Variants in SIL1 observed in about 807,000 individuals in gnomAD.
SIL1 encodes nucleotide exchange factor SIL1.
SIL1 carries 40 observed loss-of-function variants against 49.1 expected under a neutral mutation model. The observed-to-expected ratio is 0.81, with a 90% CI of 0.63 to 1.06. SIL1 has a LOEUF of 1.06. Ranked by LOEUF, SIL1 falls within the 50% of genes least tolerant of loss-of-function variation. The pLI is 0.00. For synonymous variants in SIL1, 253 were observed against 250.8 expected (o/e 1.01, Z -0.08); for missense variants, 500 against 572.6 (o/e 0.87, Z 1.29).
rs1238864205 is a variant in SIL1, at chr5:138,951,682, T to C, written c.864+106A>G. ...TCCCCCTGTGCCACCCAGCAGATGA[T>C]GCTCAGGCCCCCATGGTAACATGCA... On this transcript the variant is annotated intron_variant, in intron 8 of 9. Coordinates refer to ENST00000394817, the MANE Select transcript of SIL1 (RefSeq NM_022464.5). 6.5e-6 allele frequency: 7 copies of C among 1,084,328 alleles called. No individual in the cohort carries two copies. In the Admixed American group the frequency reaches 6.8e-5, roughly 11 times the overall value. 67.2% of individuals were successfully genotyped at this position (1,084,328 alleles called of 1,614,324 possible).
At chr5:139,031,603 T>A (rs1024219408) in intron 5 of SIL1, among the ~76,000 whole-genome samples, 1 of 152,208 alleles carries the variant, frequency 6.6e-6, no homozygotes, top group Admixed American at 6.5e-5. Context: ...TTCCTTCAAC[T>A]TTCCATACAA....
chr5:139,096,958 C>A (rs777522385), intron 3 of SIL1, among the ~76,000 whole-genome samples: 2 of 152,040 alleles, frequency 1.3e-5, no homozygotes, highest in Admixed American at 6.5e-5. Context: ...AGGGAGCCCA[C>A]TGCGCTGAAG....
intron 7 of SIL1, among the ~76,000 whole-genome samples, chr5:139,010,997 C>G (rs1336110283): frequency 2.0e-5 from 3 of 148,124 alleles, no homozygotes; most frequent in East Asian, 2.0e-4. Context: ...CCACCCAGTT[C>G]GAGCTTCCCG....
At chr5:139,065,603 C>A (rs1769687140) in intron 3 of SIL1, among the ~76,000 whole-genome samples, 1 of 152,240 alleles carries the variant, frequency 6.6e-6, no homozygotes. Flanking sequence ...TAGGCCAATG[C>A]ACACAAGGTT....
chr5:139,029,362 A>G (rs1440690896), intron 5 of SIL1, among the ~76,000 whole-genome samples: 1 of 152,194 alleles, frequency 6.6e-6, no homozygotes, highest in East Asian at 1.9e-4. Flanking sequence ...GGATGAAATG[A>G]CACTGGCAAA....
intron 1 of SIL1, among the ~76,000 whole-genome samples, chr5:139,192,997 CAAAAAA>C (rs60150903): frequency 1.3e-5 from 1 of 79,026 alleles, no homozygotes; most frequent in African/African-American, 7.2e-5. Flanking sequence ...AACTCAGTCT[CAAAAAA>C]AAAAAAAAAA....
At chr5:138,983,029 T>G (rs1767561786) in intron 7 of SIL1, among the ~76,000 whole-genome samples, 1 of 151,576 alleles carries the variant, frequency 6.6e-6, no homozygotes, top group African/African-American at 2.4e-5. Flanking sequence ...AAACACCATC[T>G]CTGCTAAAAA....
intron 9 of SIL1, among the ~76,000 whole-genome samples, chr5:138,950,698 GGCAAGCAATTGGGT>G (rs1766750278): frequency 6.6e-6 from 1 of 152,212 alleles, no homozygotes; most frequent in Non-Finnish European, 1.5e-5. Flanking sequence ...CCTCCCAAGT[GGCAAGCAATTGGGT>G]CCCTGAGACT....
At chr5:139,179,034 T>C (rs536478869) in intron 1 of SIL1, among the ~76,000 whole-genome samples, 1 of 152,324 alleles carries the variant, frequency 6.6e-6, no homozygotes, top group East Asian at 1.9e-4. Context: ...AGAAGTTACT[T>C]TCTGTCCTGA....
At position 138,960,205 on chromosome 5, in the gene SIL1, G is replaced by A. The variant is rs564295056; in HGVS notation, c.768-8321C>T. ...TATTCTTTTGGATTCTCACTGTCATGTATCTTACATGGTTATCTCTTCCTG... is the reference window on the plus strand; with the variant it reads ...TATTCTTTTGGATTCTCACTGTCATATATCTTACATGGTTATCTCTTCCTG... On this transcript the variant is annotated intron_variant, in intron 7 of 9. Transcript: ENST00000394817. 1.4e-4 allele frequency among the ~76,000 whole-genome samples: 21 copies of A among 152,230 alleles called. No homozygotes were observed. The South Asian group carries it at 3.5e-3, about 26-fold the overall frequency.
chr5:139,063,414 T>C (rs1769638442), intron 3 of SIL1, among the ~76,000 whole-genome samples: 1 of 152,218 alleles, frequency 6.6e-6, no homozygotes, highest in African/African-American at 2.4e-5. Flanking sequence ...CTCACACCTG[T>C]TTCCTAGCTA....
At chr5:139,054,971 G>A (rs1581062928) in intron 3 of SIL1, among the ~76,000 whole-genome samples, 2 of 152,282 alleles carry the variant, frequency 1.3e-5, no homozygotes, top group East Asian at 3.9e-4. Flanking sequence ...TGTATCCTTC[G>A]AGAGCCCCTG....
chr5:139,137,534 TTTA>T (rs1750999111), intron 1 of SIL1: 2 of 513,066 alleles, frequency 3.9e-6, no homozygotes, highest in Non-Finnish European at 6.9e-6. Flanking sequence ...TTTTTTTAAT[TTTA>T]TTATTATTAT....
At chr5:138,953,595 C>G (rs904931157) in intron 7 of SIL1, among the ~76,000 whole-genome samples, 2 of 152,232 alleles carry the variant, frequency 1.3e-5, no homozygotes, top group Non-Finnish European at 2.9e-5. Context: ...GGAGATGGGC[C>G]AGAGTCCCTG....
chr5:138,988,579 C>T (rs1767691420), intron 7 of SIL1, among the ~76,000 whole-genome samples: 1 of 152,166 alleles, frequency 6.6e-6, no homozygotes, highest in South Asian at 2.1e-4. Flanking sequence ...CAAAAGTTTC[C>T]ACCTGAGTCA....
intron 1 of SIL1, among the ~76,000 whole-genome samples, chr5:139,189,097 C>A (rs753758663): frequency 1.3e-5 from 2 of 152,194 alleles, no homozygotes; most frequent in Admixed American, 6.5e-5. Context: ...CCTGAAACTA[C>A]GACGTGGCTC....
chr5:139,036,250 T>C (rs1768908303), intron 5 of SIL1, among the ~76,000 whole-genome samples: 1 of 152,242 alleles, frequency 6.6e-6, no homozygotes, highest in Admixed American at 6.5e-5. Context: ...CTGAATGGTA[T>C]TGCCTAAGTT....
chr5:139,195,542 C>T (rs1752250607), intron 1 of SIL1, among the ~76,000 whole-genome samples: 1 of 152,264 alleles, frequency 6.6e-6, no homozygotes, highest in East Asian at 1.9e-4. Flanking sequence ...CACCCACCAC[C>T]TCGCCCGGGT....
chr5:139,059,091 C>T (rs1366205907), intron 3 of SIL1, among the ~76,000 whole-genome samples: 1 of 152,076 alleles, frequency 6.6e-6, no homozygotes, highest in Non-Finnish European at 1.5e-5. Context: ...CATAGACATA[C>T]ATACATTTGT....
Sources: allele counts gnomAD v4.1 joint callset (sites outside exome capture counted in the v4.1 genomes callset), GRCh38; gene constraint gnomAD v4.1.1; transcripts MANE v1.5; gene names NCBI Gene and HGNC (gene_info 2026-07-23, HGNC 2026-07-21).